RP1: variants seen among roughly 807,000 people sequenced by gnomAD.
The protein encoded by RP1 is RP1 axonemal microtubule associated.
In RP1, 16 loss-of-function variants were observed where a neutral mutation model predicts 14.8. The ratio of observed to expected loss-of-function variants is 1.08; its 90% confidence interval spans 0.73 to 1.65. The LOEUF (loss-of-function observed/expected upper bound fraction) is 1.65. Ranked by LOEUF, RP1 falls within the 40% of genes most tolerant of loss-of-function variation. The pLI is 0.00. For synonymous variants in RP1, 876 were observed against 883.6 expected, an observed-to-expected ratio of 0.99 and a Z score of 0.15; for missense variants, 2,631 against 2,535.0, an observed-to-expected ratio of 1.04 and a Z score of -0.81.
intron 1 of RP1, among the ~76,000 whole-genome samples, chr8:54,605,852 G>A (rs1285199480): frequency 2.6e-5 from 4 of 151,962 alleles, no homozygotes; most frequent in East Asian, 3.9e-4. Context: ...TCCGAGACTA[G>A]GATTGCAACC....
chr8:54,701,056 C>T (rs1808002988), intron 13 of RP1, among the ~76,000 whole-genome samples: 1 of 152,086 alleles, frequency 6.6e-6, no homozygotes. Flanking sequence ...GAACAATAGT[C>T]ATGTCTCAAT....
chr8:54,601,044 C>T (rs775110155), intron 1 of RP1, among the ~76,000 whole-genome samples: 2 of 152,142 alleles, frequency 1.3e-5, no homozygotes, highest in Non-Finnish European at 2.9e-5. Context: ...GACGTGGTCT[C>T]CTCCATTTCG....
At chr8:54,727,180 G>A (rs780955487) in intron 17 of RP1, among the ~76,000 whole-genome samples, 28 of 151,982 alleles carry the variant, frequency 1.8e-4, no homozygotes, top group African/African-American at 2.2e-4. Flanking sequence ...TATAATAGAC[G>A]TCTCTTGTTG....
chr8:54,823,390 G>T (rs1811304844), intron 24 of RP1, among the ~76,000 whole-genome samples: 1 of 152,038 alleles, frequency 6.6e-6, no homozygotes. Context: ...GAGTGCAGTG[G>T]CGCCACCTTG....
intron 27 of RP1, among the ~76,000 whole-genome samples, chr8:54,858,286 A>G (rs1220229274): frequency 1.3e-5 from 2 of 152,230 alleles, no homozygotes; most frequent in East Asian, 3.8e-4. Context: ...AGAGGAAATT[A>G]TTAGAAAAAA....
At chr8:54,704,919 T>C (rs1224245083) in intron 14 of RP1, among the ~76,000 whole-genome samples, 1 of 152,222 alleles carries the variant, frequency 6.6e-6, no homozygotes, top group Non-Finnish European at 1.5e-5. Context: ...CATATGATAC[T>C]GTAATATATA....
chr8:54,670,551 A>G (rs539583657), intron 7 of RP1, among the ~76,000 whole-genome samples: 5 of 113,410 alleles, frequency 4.4e-5, no homozygotes, highest in East Asian at 2.8e-4. Flanking sequence ...ATGTATGTAT[A>G]TGTATATATA....
Position 54,602,728 on chromosome 8 carries a change from T to C in RP1, c.-12-18227T>C, listed in dbSNP as rs369994107. ...TTCCTGACTTTTTAATGATTGCCAT[T>C]CTAACTGGTGTGAGATGGTATCTCA... On this transcript the variant is annotated intron_variant, in intron 1 of 22. Coordinates refer to the RP1 transcript ENST00000636932. 9.6e-4 allele frequency among the ~76,000 whole-genome samples: 146 copies of C among 152,316 alleles called. 3 individuals carry two copies. In the East Asian group the frequency reaches 0.024, roughly 25 times the overall value.
At chr8:54,769,909 T>G (rs750429129) in exon 23 of RP1, 1 of 672,602 alleles carries the variant, frequency 1.5e-6, no homozygotes, top group Non-Finnish European at 2.4e-6. Context: ...CCTTTGATAT[T>G]TATCTTTTAT....
chr8:54,584,183 A>G (rs1256932602), intron 1 of RP1, among the ~76,000 whole-genome samples: 1 of 152,160 alleles, frequency 6.6e-6, no homozygotes, highest in Non-Finnish European at 1.5e-5. Flanking sequence ...TGTGTCCCAG[A>G]GATTCTGGTA....
At chr8:54,666,332 T>G (rs776625659) in intron 7 of RP1, among the ~76,000 whole-genome samples, 9 of 152,092 alleles carry the variant, frequency 5.9e-5, no homozygotes, top group Non-Finnish European at 1.3e-4. Context: ...TTTGCCTGCT[T>G]GCTCTGTGCT....
chr8:54,611,845 T>A (rs996226195), upstream of RP1, among the ~76,000 whole-genome samples: 1 of 151,792 alleles, frequency 6.6e-6, no homozygotes, highest in Non-Finnish European at 1.5e-5. Flanking sequence ...CCCCTCCCCA[T>A]GGTTTGTTGT....
chr8:54,604,189 C>T (rs1335565833), intron 1 of RP1, among the ~76,000 whole-genome samples: 7 of 152,218 alleles, frequency 4.6e-5, no homozygotes, highest in African/African-American at 1.4e-4. Context: ...ATAGATAGCT[C>T]TTATTATTTT....
intron 14 of RP1, among the ~76,000 whole-genome samples, chr8:54,704,148 A>G (rs922016959): frequency 3.3e-5 from 5 of 152,216 alleles, no homozygotes; most frequent in Non-Finnish European, 5.9e-5. Context: ...ACCTTACACA[A>G]GGGGCCTAGC....
chr8:54,566,660 C>T (rs778559585), intron 1 of RP1, among the ~76,000 whole-genome samples: 7 of 152,284 alleles, frequency 4.6e-5, no homozygotes, highest in African/African-American at 7.2e-5. Flanking sequence ...CTGGCATTAG[C>T]TGTGGTTTTG....
chr8:54,768,734 A>G (rs1244055555), intron 22 of RP1, among the ~76,000 whole-genome samples: 1 of 152,188 alleles, frequency 6.6e-6, no homozygotes, highest in Non-Finnish European at 1.5e-5. Context: ...AGTAAATGGC[A>G]AAGCTGGTTT....
intron 19 of RP1, among the ~76,000 whole-genome samples, chr8:54,741,707 G>GTATA (rs372225314): frequency 0.091 from 5,226 of 57,464 alleles, 279 homozygotes; most frequent in South Asian, 0.12. Context: ...AAATGTGTGT[G>GTATA]TATATATATA....
exon 8 of RP1, chr8:54,673,913 G>T: frequency 6.5e-7 from 1 of 1,535,868 alleles, no homozygotes; most frequent in Non-Finnish European, 8.7e-7. Context: ...GATAGGCCAT[G>T]ATGGACTTGG....
In RP1 at chr8:54,741,257, T is replaced by G. The variant is rs541558128; in HGVS notation, c.2808+2228T>G. Among the ~76,000 whole-genome samples the G allele has an allele frequency of 6.6e-5, 10 of 152,296 alleles. 1 individual carries two copies. The South Asian group carries it at 1.7e-3, about 25-fold the overall frequency. ...TAATGAAGCCTACAGTAGTGTACAATAATGTCCTAGGCCTTCACATTCACT... is the reference window on the plus strand; with the variant it reads ...TAATGAAGCCTACAGTAGTGTACAAGAATGTCCTAGGCCTTCACATTCACT... On this transcript the variant is annotated intron_variant, in intron 19 of 22. Transcript: ENST00000636932.
Sources: gnomAD v4.1 joint callset for allele counts (sites outside exome capture counted in the v4.1 genomes callset) on GRCh38, gnomAD v4.1.1 for gene constraint, MANE v1.5 for transcripts, NCBI Gene and HGNC (gene_info 2026-07-23, HGNC 2026-07-21) for gene names.